Variants in LRRTM4 observed in about 807,000 individuals in gnomAD.
LRRTM4 encodes leucine rich repeat transmembrane neuronal 4, also known as leucine-rich repeat transmembrane neuronal protein 4.
LRRTM4 carries 25 observed loss-of-function variants against 47.6 expected under a neutral mutation model. That is an observed-to-expected ratio of 0.53 (90% CI 0.38 to 0.73). LRRTM4 has a LOEUF of 0.73. LRRTM4 is among the 30% of genes least tolerant of loss of function. The probability of loss-of-function intolerance (pLI) is 0.00; values close to 1 mark genes in which losing one functional copy is unlikely to be tolerated. For synonymous variants in LRRTM4, 311 were observed against 269.5 expected (o/e 1.15, Z -1.51); for missense variants, 638 against 713.4 (o/e 0.89, Z 1.20).
intron 3 of LRRTM4, among the ~76,000 whole-genome samples, chr2:77,187,831 T>C (rs922768548): frequency 3.8e-4 from 57 of 151,882 alleles, no homozygotes; most frequent in African/African-American, 1.4e-3. Context: ...TAGAGAAAAA[T>C]CAAGGGACAA....
chr2:77,393,510 T>A (rs1250754381), intron 3 of LRRTM4, among the ~76,000 whole-genome samples: 1 of 151,976 alleles, frequency 6.6e-6, no homozygotes, highest in East Asian at 1.9e-4. Flanking sequence ...TTCACCAAAC[T>A]AGAGAAGAAG....
intron 3 of LRRTM4, among the ~76,000 whole-genome samples, chr2:77,057,416 T>C (rs910173066): frequency 6.6e-6 from 1 of 152,134 alleles, no homozygotes. Context: ...GCTAAACTAA[T>C]TAATTGGATT....
chr2:76,964,441 T>C (rs1675958094), intron 3 of LRRTM4, among the ~76,000 whole-genome samples: 1 of 150,944 alleles, frequency 6.6e-6, no homozygotes, highest in African/African-American at 2.4e-5. Context: ...AGCTGAAATG[T>C]CCTCTGATTC....
At chr2:77,093,628 T>G (rs2103893359) in intron 3 of LRRTM4, among the ~76,000 whole-genome samples, 1 of 151,956 alleles carries the variant, frequency 6.6e-6, no homozygotes, top group East Asian at 1.9e-4. Flanking sequence ...TTCAACACTA[T>G]TTTGTTTTAT....
At chr2:77,219,791 A>G (rs893470078) in intron 3 of LRRTM4, among the ~76,000 whole-genome samples, 3 of 152,148 alleles carry the variant, frequency 2.0e-5, no homozygotes, top group Admixed American at 6.5e-5. Flanking sequence ...CAGGGCATAG[A>G]CAATCAAAAC....
At chr2:77,337,670 T>G (rs539273307) in intron 3 of LRRTM4, among the ~76,000 whole-genome samples, 1 of 152,216 alleles carries the variant, frequency 6.6e-6, no homozygotes, top group South Asian at 2.1e-4. Context: ...ATTGTAAGTT[T>G]CCTGAGGCTT....
intron 3 of LRRTM4, among the ~76,000 whole-genome samples, chr2:77,320,314 T>A (rs987905017): frequency 6.6e-6 from 1 of 152,036 alleles, no homozygotes; most frequent in Non-Finnish European, 1.5e-5. Flanking sequence ...TACATACGAG[T>A]TATGAGTTGT....
chr2:77,174,953 A>G (rs1452950138), intron 3 of LRRTM4, among the ~76,000 whole-genome samples: 1 of 152,078 alleles, frequency 6.6e-6, no homozygotes, highest in Non-Finnish European at 1.5e-5. Flanking sequence ...AGGGAAGTAC[A>G]TTTCAATAAC....
intron 3 of LRRTM4, among the ~76,000 whole-genome samples, chr2:77,072,800 CAAA>C (rs373786120): frequency 1.8e-4 from 14 of 78,742 alleles, no homozygotes; most frequent in Non-Finnish European, 2.8e-4. Flanking sequence ...CTCCGTCTTC[CAAA>C]AAAAAAAAAA....
At chr2:76,951,196 A>T (rs895608690) in intron 3 of LRRTM4, among the ~76,000 whole-genome samples, 6 of 152,090 alleles carry the variant, frequency 3.9e-5, no homozygotes, top group South Asian at 4.1e-4. Flanking sequence ...ATCAAGGAAC[A>T]ATAAAGCTGA....
At chr2:76,987,395 G>A (rs1676840649) in intron 3 of LRRTM4, 1 of 151,654 alleles carries the variant, frequency 6.6e-6, no homozygotes, top group Non-Finnish European at 1.5e-5. Context: ...ATATTCTCTT[G>A]GTAATATTAG....
chr2:77,116,503 T>A (rs1671393115), intron 3 of LRRTM4, among the ~76,000 whole-genome samples: 4 of 152,134 alleles, frequency 2.6e-5, no homozygotes, highest in African/African-American at 9.7e-5. Flanking sequence ...GCTTACTGGT[T>A]ATTTTTAGCA....
chr2:77,327,449 T>C (rs758145462), intron 3 of LRRTM4, among the ~76,000 whole-genome samples: 2 of 152,190 alleles, frequency 1.3e-5, no homozygotes, highest in Non-Finnish European at 1.5e-5. Flanking sequence ...TATTTGGCCA[T>C]GTATAATAAA....
intron 3 of LRRTM4, among the ~76,000 whole-genome samples, chr2:76,754,073 C>A (rs1239177936): frequency 1.3e-5 from 2 of 152,012 alleles, no homozygotes. Flanking sequence ...CTCTAATTTT[C>A]AGAATTAAAG....
intron 3 of LRRTM4, among the ~76,000 whole-genome samples, chr2:76,859,840 T>C (rs563052830): frequency 6.6e-6 from 1 of 152,270 alleles, no homozygotes; most frequent in South Asian, 2.1e-4. Context: ...ACATAAATAT[T>C]CCAATCTTGT....
At chr2:76,911,425 T>G (rs1402200491) in intron 3 of LRRTM4, among the ~76,000 whole-genome samples, 1 of 152,228 alleles carries the variant, frequency 6.6e-6, no homozygotes, top group Non-Finnish European at 1.5e-5. Flanking sequence ...CCCAAAACAA[T>G]TACATCAATC....
chr2:77,282,792 T>C (rs1242954607), intron 3 of LRRTM4, among the ~76,000 whole-genome samples: 1 of 152,012 alleles, frequency 6.6e-6, no homozygotes, highest in Non-Finnish European at 1.5e-5. Flanking sequence ...GCTATCCATA[T>C]ATAGAAGAAT....
chr2:77,015,737 G>A (rs1002307473), intron 3 of LRRTM4, among the ~76,000 whole-genome samples: 2 of 152,158 alleles, frequency 1.3e-5, no homozygotes, highest in African/African-American at 4.8e-5. Context: ...TAGAAAAAAG[G>A]GGAAAAAGCC....
intron 3 of LRRTM4, among the ~76,000 whole-genome samples, chr2:77,164,091 C>T (rs1351257704): frequency 6.6e-6 from 1 of 152,022 alleles, no homozygotes; most frequent in East Asian, 1.9e-4. Flanking sequence ...CACACATAGG[C>T]TCAAAATAAA....
Sources: gnomAD v4.1 joint callset for allele counts (sites outside exome capture counted in the v4.1 genomes callset) on GRCh38, gnomAD v4.1.1 for gene constraint, MANE v1.5 for transcripts, NCBI Gene and HGNC (gene_info 2026-07-23, HGNC 2026-07-21) for gene names.